CNOT10: variants seen among roughly 807,000 people sequenced by gnomAD.
The protein encoded by CNOT10 is CCR4-NOT transcription complex subunit 10.
A neutral mutation model predicts 94.6 loss-of-function variants in CNOT10; 30 were observed. The observed-to-expected ratio is 0.32, with a 90% CI of 0.24 to 0.43. The LOEUF is 0.43. Among genes scored for constraint, CNOT10 ranks in the 20% least tolerant of loss-of-function variants. The probability of loss-of-function intolerance (pLI) is 1.00; values close to 1 mark genes in which losing one functional copy is unlikely to be tolerated. For synonymous variants in CNOT10, 289 were observed against 301.6 expected (o/e 0.96, Z 0.43); for missense variants, 759 against 877.2 (o/e 0.87, Z 1.70).
At position 32,754,472 on chromosome 3, in the gene CNOT10, G is replaced by A. The variant is rs866804932; in HGVS notation, c.1596-4986G>A. Among the ~76,000 whole-genome samples, 77 of 13,190 alleles carry A rather than the reference G, an allele frequency of 5.8e-3. 5 individuals carry two copies. The South Asian group carries it at 0.21, about 36-fold the overall frequency. 8.7% of individuals were successfully genotyped at this position (13,190 alleles called of 152,430 possible). On this transcript the variant is annotated intron_variant, in intron 13 of 18. Coordinates refer to ENST00000328834, the MANE Select transcript of CNOT10 (RefSeq NM_015442.3). Reference sequence around the variant, plus strand: ...AGCCTGGGCGACAGAGCAAGACTCCGTCTCAAAAAAAAAAAAAATACATAT... The same window carrying A: ...AGCCTGGGCGACAGAGCAAGACTCCATCTCAAAAAAAAAAAAAATACATAT...
intron 13 of CNOT10, among the ~76,000 whole-genome samples, chr3:32,740,778 C>T (rs1306237446): frequency 2.0e-5 from 3 of 151,364 alleles, no homozygotes; most frequent in Admixed American, 6.6e-5. Flanking sequence ...AGGAGAATGG[C>T]GTGAACCTGG....
At chr3:32,735,552 C>T (rs1457482634) in intron 12 of CNOT10, among the ~76,000 whole-genome samples, 1 of 151,850 alleles carries the variant, frequency 6.6e-6, no homozygotes, top group African/African-American at 2.4e-5. Context: ...ACTAAAAATA[C>T]AAAAATTAGC....
At chr3:32,701,833 C>T (rs925787375) in intron 1 of CNOT10, among the ~76,000 whole-genome samples, 4 of 152,192 alleles carry the variant, frequency 2.6e-5, no homozygotes, top group African/African-American at 9.7e-5. Context: ...CACTCTGTTG[C>T]TCAGGCTAGA....
chr3:32,696,873 C>T (rs900297243), intron 1 of CNOT10, among the ~76,000 whole-genome samples: 13 of 152,196 alleles, frequency 8.5e-5, no homozygotes, highest in African/African-American at 3.1e-4. Context: ...CCAGTGTGTC[C>T]AGCCCAGCTT....
chr3:32,685,698 G>A (rs902178399), intron 1 of CNOT10, among the ~76,000 whole-genome samples: 3 of 152,144 alleles, frequency 2.0e-5, no homozygotes, highest in African/African-American at 7.2e-5. Context: ...ATTTGAAGTC[G>A]CCACTGGCCG....
chr3:32,697,988 A>G (rs1021135400), intron 1 of CNOT10, among the ~76,000 whole-genome samples: 5 of 152,336 alleles, frequency 3.3e-5, no homozygotes, highest in Middle Eastern at 3.4e-3. Flanking sequence ...TCCTGTTTCA[A>G]TCTAAACTTA....
chr3:32,734,355 T>C (rs1238588604), intron 11 of CNOT10, among the ~76,000 whole-genome samples: 1 of 152,182 alleles, frequency 6.6e-6, no homozygotes, highest in Admixed American at 6.5e-5. Flanking sequence ...AAAAGTAATG[T>C]TGGTGTTTCA....
In CNOT10 at chr3:32,748,975, C is replaced by T. The variant is rs374335847; in HGVS notation, c.1596-10483C>T. ...TAGCTGGGATTACAGACATGCATAA[C>T]CACACCCAGCTAATTTTTGTATTTT... On this transcript the variant is annotated intron_variant, in intron 13 of 18. Transcript: ENST00000328834. Among the ~76,000 whole-genome samples the T allele has an allele frequency of 2.8e-4, 43 of 152,184 alleles. 1 individual carries two copies. Among genetic ancestry groups the T allele is most frequent in the Middle Eastern group, 3.4e-3 (1 of 294 alleles).
rs116696027 is a variant in CNOT10 at position 32,740,463 on chromosome 3, A to G, written c.1595+2973A>G. On this transcript the variant is annotated intron_variant, in intron 13 of 18. Transcript: ENST00000328834. ...GACTCTGTCTCAAAACAAAAAAAGA[A>G]CTTTAGTACAATATCACAGTCAAGA... is the stretch of plus-strand genomic sequence containing the variant. 9.6e-3 allele frequency among the ~76,000 whole-genome samples: 1,456 copies of G among 152,272 alleles called. 29 individuals are homozygous for G. Among genetic ancestry groups the G allele is most frequent in the African/African-American group, 0.033 (1,375 of 41,560 alleles).
intron 13 of CNOT10, among the ~76,000 whole-genome samples, chr3:32,738,969 A>G (rs1044622680): frequency 6.9e-6 from 1 of 144,702 alleles, no homozygotes. Flanking sequence ...CAGTGGTATG[A>G]TCTCGGCTCA....
Position 32,704,854 on chromosome 3 carries a change from A to G in CNOT10, c.161A>G (p.Gln54Arg), listed in dbSNP as rs371907381. 1.3e-6 allele frequency: 2 copies of G among 1,573,328 alleles called. No homozygotes were observed. The highest frequency in any genetic ancestry group is 1.7e-6 in the Non-Finnish European group (2 of 1,168,708). Residue 54 changes from glutamine to arginine, a missense_variant, in exon 3 of 19, where the codon CAA becomes CGA. This residue lies in a region of CNOT10 where 682 missense variants were observed against 799.4 expected (regional missense o/e 0.85). Transcript: ENST00000328834. Reference protein sequence around the residue: ...DACLQHLACLQDINKDDYKII... With the variant: ...DACLQHLACLRDINKDDYKII... ...TGTCTACAACACCTTGCCTGTCTAC[A>G]AGATATAAACAAAGATGATTATAAA... is the stretch of plus-strand genomic sequence containing the variant.
chr3:32,686,343 A>C (rs1218634765), intron 1 of CNOT10, among the ~76,000 whole-genome samples: 1 of 152,252 alleles, frequency 6.6e-6, no homozygotes, highest in African/African-American at 2.4e-5. Context: ...TTTTACAGTG[A>C]ATTTAATTTA....
intron 10 of CNOT10, among the ~76,000 whole-genome samples, chr3:32,732,716 C>T (rs569396175): frequency 3.0e-4 from 45 of 152,266 alleles, no homozygotes; most frequent in Non-Finnish European, 6.0e-4. Flanking sequence ...GCTGGGATTA[C>T]GGGCATGAAC....
intron 18 of CNOT10, among the ~76,000 whole-genome samples, chr3:32,771,052 C>T (rs1700881040): frequency 1.3e-5 from 2 of 152,056 alleles, no homozygotes; most frequent in African/African-American, 4.8e-5. Flanking sequence ...AGGAGCTGGG[C>T]GCAGTGGCAC....
At chr3:32,727,567 G>C in intron 9 of CNOT10, 101 bp from the exon 10 acceptor site, 1 of 767,818 alleles carries the variant, frequency 1.3e-6, no homozygotes, top group Non-Finnish European at 2.2e-6. Flanking sequence ...GATTATTGGT[G>C]TTAAACATGG....
intron 1 of CNOT10, among the ~76,000 whole-genome samples, chr3:32,698,899 C>T (rs1444917744): frequency 6.6e-6 from 1 of 152,210 alleles, no homozygotes; most frequent in Admixed American, 6.5e-5. Flanking sequence ...AATCCTCCCA[C>T]CTTCGCCTCG....
rs764702440 is a variant in CNOT10, at chr3:32,695,968, A to AGTGTGTGT, written c.23-7859_23-7852dup. ...AAATAAAAATAATCCTGTTGAAGAG[A>AGTGTGTGT]GTGTGTGTGTGTGTGTGTGTGTGTG... On this transcript the variant is annotated intron_variant, in intron 1 of 18. Transcript: ENST00000328834. 2,555 of 432,762 alleles carry AGTGTGTGT rather than the reference A, an allele frequency of 5.9e-3. 32 individuals carry two copies. The highest frequency in any genetic ancestry group is 0.031 in the African/African-American group (1,273 of 41,164). 26.8% of individuals were successfully genotyped at this position (432,762 alleles called of 1,614,324 possible).
intron 1 of CNOT10, among the ~76,000 whole-genome samples, chr3:32,690,568 A>G (rs919428923): frequency 6.7e-6 from 1 of 149,756 alleles, no homozygotes; most frequent in Non-Finnish European, 1.5e-5. Context: ...TTTTTTTGAG[A>G]CAGAGTCTCG....
intron 1 of CNOT10, 110 bp from the exon 2 acceptor site, chr3:32,703,758 T>G (rs1697480855): frequency 1.5e-6 from 1 of 686,278 alleles, no homozygotes; most frequent in Non-Finnish European, 2.5e-6. Flanking sequence ...CCATCTGATA[T>G]TTTCATACTT....
Sources: allele counts gnomAD v4.1 joint callset (sites outside exome capture counted in the v4.1 genomes callset), GRCh38; gene constraint gnomAD v4.1.1; regional missense constraint gnomAD v4.1.1; transcripts MANE v1.5; gene names NCBI Gene and HGNC (gene_info 2026-07-23, HGNC 2026-07-21).